RPS16: variants seen among roughly 807,000 people sequenced by gnomAD.
RPS16 encodes the protein small ribosomal subunit protein uS9.
In RPS16, 2 loss-of-function variants were observed where a neutral mutation model predicts 20.1. The ratio of observed to expected loss-of-function variants is 0.10; its 90% CI spans 0.04 to 0.31. The LOEUF is 0.31. Ranked by LOEUF, RPS16 falls within the 10% of genes least tolerant of loss-of-function variation. The pLI, the probability that RPS16 is intolerant of heterozygous loss-of-function variation, is 1.00. For synonymous variants in RPS16, 95 were observed against 76.1 expected (o/e 1.25, Z -1.29); for missense variants, 129 against 198.6 (o/e 0.65, Z 2.11).
Position 39,435,331 on chromosome 19 carries a change from G to A in RPS16, c.150+276C>T, listed in dbSNP as rs1340125004. On this transcript the variant is annotated intron_variant, in intron 2 of 4. Transcript: ENST00000251453. The stretch of plus-strand genomic sequence containing the variant: ...ATAAATAAAATAAAAAATAGTCGGT[G>A]TCCCTTCACCCTTTGGGTCCCCCCG... 5 of 426,566 alleles carry A rather than the reference G, an allele frequency of 1.2e-5. No homozygotes were observed. The Admixed American group carries it at 2.0e-4, about 17-fold the overall frequency. 26.4% of individuals were successfully genotyped at this position (426,566 alleles called of 1,614,324 possible).
At chr19:39,434,772 T>C (rs1464479981) in intron 2 of RPS16, 1 of 152,210 alleles carries the variant, frequency 6.6e-6, no homozygotes, top group Non-Finnish European at 1.5e-5. Context: ...ATTAGGATTG[T>C]GCTATTGCAC....
At chr19:39,435,417 A>T in intron 2 of RPS16, 190 bp downstream of exon 2, 1 of 578,204 alleles carries the variant, frequency 1.7e-6, no homozygotes, top group South Asian at 2.2e-5. Flanking sequence ...ATCTTCAACA[A>T]CCCCATCTCA....
Position 39,433,195 on chromosome 19 carries a change from G to T in RPS16, c.*78C>A. The T allele has an allele frequency of 7.0e-7, 1 of 1,435,768 alleles. No homozygotes were observed. The highest frequency in any genetic ancestry group is 9.7e-7 in the Non-Finnish European group (1 of 1,030,682). The allele number at this position is 1,435,768 out of a possible 1,614,324, so 88.9% of individuals were successfully genotyped here. A position where few individuals can be genotyped will look rare whatever the true frequency, so the allele number is the denominator to read the frequency against. ...TTAAACATCCAATACCAACACATAA[G>T]GCCACACACAGTTCTTGAAACTTTA... On this transcript the variant is annotated 3_prime_UTR_variant, in exon 5 of 5. Transcript: ENST00000251453.
chr19:39,435,489 C>A, intron 2 of RPS16, 118 bp downstream of exon 2: 1 of 770,138 alleles, frequency 1.3e-6, no homozygotes, highest in Non-Finnish European at 2.1e-6. Context: ...TGTTCTACAC[C>A]CAACACAACT....
chr19:39,435,880 G>A lies in RPS16; in HGVS notation c.16C>T (p.Pro6Ser). 6.2e-7 allele frequency: 1 copy of A among 1,607,794 alleles called. No homozygotes were observed. The highest frequency in any genetic ancestry group is 8.5e-7 in the Non-Finnish European group (1 of 1,179,982). ...CCGAAGACCTGCACAGACTGCAGCG[G>A]GCCCTTGGACGGCATGGCTCCGAGC... MPSKG[P>S]LQSVQVFGRK... The change falls in exon 1 of 5, where the codon CCG (proline) becomes TCG (serine). Residue 6 changes from proline (P) to serine (S), a missense_variant. By Grantham distance (74) the Pro-to-Ser change is moderately conservative (BLOSUM62 -1). This residue lies in a region of RPS16 where 117 missense variants were observed against 151.4 expected (regional missense o/e 0.77). Coordinates refer to ENST00000251453, the MANE Select transcript of RPS16 (RefSeq NM_001020.6).
chr19:39,434,495 T>C (rs2078848715), intron 2 of RPS16: 1 of 152,320 alleles, frequency 6.6e-6, no homozygotes, highest in Non-Finnish European at 1.5e-5. Context: ...TGACAGCCAA[T>C]AACAGTAACA....
At chr19:39,434,754 T>A (rs1285935928) in intron 2 of RPS16, 1 of 152,224 alleles carries the variant, frequency 6.6e-6, no homozygotes, top group Non-Finnish European at 1.5e-5. Flanking sequence ...AGTTTAAGGC[T>A]GCAGTTCATT....
intron 1 of RPS16, 57 bp downstream of exon 1, chr19:39,435,791 T>C: frequency 6.2e-7 from 1 of 1,608,106 alleles, no homozygotes; most frequent in South Asian, 1.1e-5. Flanking sequence ...CCCACCGACC[T>C]CTCCCAGACC....
chr19:39,435,527 C>G lies in RPS16; in HGVS notation c.150+80G>C, dbSNP rs1019680440. 5.1e-6 allele frequency: 6 copies of G among 1,177,902 alleles called. 1 individual carries two copies. In the South Asian group the frequency reaches 6.5e-5, roughly 13 times the overall value. 73.0% of individuals were successfully genotyped at this position (1,177,902 alleles called of 1,614,324 possible). The stretch of plus-strand genomic sequence containing the variant: ...TAAACATCCCGTTGCTGATGCCAGC[C>G]CCCCCAGCTTTCAAGAGCTACAACA... On this transcript the variant is annotated intron_variant, in intron 2 of 4. Transcript: ENST00000251453.
chr19:39,434,810 T>C (rs1487347679), intron 2 of RPS16: 2 of 152,202 alleles, frequency 1.3e-5, no homozygotes, highest in Non-Finnish European at 2.9e-5. Context: ...CAAGATACTG[T>C]TTTTAAAAAA....
At chr19:39,435,761 T>G in intron 1 of RPS16, 53 bp from the exon 2 acceptor site, 1 of 1,606,658 alleles carries the variant, frequency 6.2e-7, no homozygotes, top group Non-Finnish European at 8.5e-7. Flanking sequence ...CCAGCTCCCA[T>G]GTTACCCCCT....
rs147672699 is a variant in RPS16 at position 39,433,332 on chromosome 19, C to A, written c.382G>T (p.Glu128Ter). 1 of 1,613,854 alleles carries A rather than the reference C, an allele frequency of 6.2e-7. No individual in the cohort carries two copies. Among genetic ancestry groups the A allele is most frequent in the Non-Finnish European group, 8.5e-7 (1 of 1,180,020 alleles). Residue 128 changes from glutamate (E) to a stop codon, truncating the protein, a stop_gained, in exon 5 of 5, where the codon GAG (glutamate) becomes TAG (stop). Coordinates refer to ENST00000251453, the MANE Select transcript of RPS16 (RefSeq NM_001020.6). LOFTEE classifies it high-confidence loss of function. ...TLLVADPRRC[E>*]SKKFGGPGAR... ...CCAGGGCCTCCAAACTTTTTGGACT[C>A]GCAGCGACGAGGGTCAGCTACCAGC...
intron 2 of RPS16, chr19:39,434,702 T>C (rs1026609474): frequency 2.0e-5 from 3 of 152,168 alleles, no homozygotes; most frequent in Admixed American, 6.6e-5. Context: ...GCCTGTAGTC[T>C]TGGCAACCGA....
intron 2 of RPS16, 163 bp from the exon 3 acceptor site, chr19:39,433,924 G>C (rs2078845150): frequency 4.7e-6 from 3 of 642,462 alleles, no homozygotes; most frequent in Non-Finnish European, 8.0e-6. Context: ...CCAGAGAAGA[G>C]GAAAGTCAAA....
Position 39,434,006 on chromosome 19 carries a change from CCCT to C in RPS16, c.151-248_151-246del, listed in dbSNP as rs2078845850. 5 of 491,034 alleles carry C rather than the reference CCCT, an allele frequency of 1.0e-5. No homozygotes were observed. In the South Asian group the frequency reaches 1.1e-4, roughly 10 times the overall value. 30.4% of individuals were successfully genotyped at this position (491,034 alleles called of 1,614,324 possible). ...AGGTAAAGGGAACAAGATCTGGGCT[CCCT>C]CCTACTTGTGTCCCTCACTGGACCT... On this transcript the variant is annotated intron_variant, in intron 2 of 4. Transcript: ENST00000251453.
At chr19:39,433,851 A>G in intron 2 of RPS16, 90 bp from the exon 3 acceptor site, 1 of 1,260,920 alleles carries the variant, frequency 7.9e-7, no homozygotes, top group South Asian at 1.3e-5. Context: ...GGCTTCTGCC[A>G]CCACTGGCCT....
intron 2 of RPS16, chr19:39,434,907 C>T (rs2078851781): frequency 1.3e-5 from 2 of 152,176 alleles, no homozygotes; most frequent in African/African-American, 4.8e-5. Flanking sequence ...TCAGAAGGGG[C>T]AGAAATCAGA....
Position 39,433,504 on chromosome 19 carries a change from G to T in RPS16, c.295+18C>A. On this transcript the variant is annotated intron_variant, in intron 4 of 4. Coordinates refer to ENST00000251453, the MANE Select transcript of RPS16 (RefSeq NM_001020.6). Reference sequence around the variant, plus strand: ...CACACACCCATCTACCTCATGGGAAGGACCCATGCTCACTCACATTTCTGG... The same window carrying T: ...CACACACCCATCTACCTCATGGGAATGACCCATGCTCACTCACATTTCTGG... 6.2e-7 allele frequency: 1 copy of T among 1,613,746 alleles called. No homozygotes were observed. Among genetic ancestry groups the T allele is most frequent in the South Asian group, 1.1e-5 (1 of 91,080 alleles).
At chr19:39,435,760 A>T in intron 1 of RPS16, 52 bp from the exon 2 acceptor site, 2 of 1,606,388 alleles carry the variant, frequency 1.2e-6, no homozygotes, top group Non-Finnish European at 8.5e-7. Context: ...TCCAGCTCCC[A>T]TGTTACCCCC....
Sources: gnomAD v4.1 joint callset for allele counts on GRCh38, gnomAD v4.1.1 for gene constraint, gnomAD v4.1.1 regional missense constraint, MANE v1.5 for transcripts, NCBI Gene and HGNC (gene_info 2026-07-23, HGNC 2026-07-21) for gene names.